CFAP46: variants seen among roughly 807,000 people sequenced by gnomAD.
CFAP46 encodes the protein cilia- and flagella-associated protein 46.
Under a neutral mutation model 325.7 loss-of-function variants are expected in CFAP46, and 245 were observed. That is an observed-to-expected ratio of 0.75 (90% CI 0.68 to 0.84). The LOEUF is 0.84. Ranked by LOEUF, CFAP46 falls within the 40% of genes least tolerant of loss-of-function variation. The pLI is 0.00. For missense variants in CFAP46, 3,346 were observed against 3,543.0 expected (o/e 0.94, Z 1.41); for synonymous variants, 1,523 against 1,495.9 (o/e 1.02, Z -0.42).
chr10:132,937,292 C>T, intron 6 of CFAP46: 1 of 544,262 alleles, frequency 1.8e-6, no homozygotes, highest in South Asian at 3.1e-5. Context: ...AAATTCAAAG[C>T]TATTACAAAG....
At chr10:132,863,712 G>T (rs1848757188) in intron 35 of CFAP46, among the ~76,000 whole-genome samples, 1 of 142,472 alleles carries the variant, frequency 7.0e-6, no homozygotes, top group Non-Finnish European at 1.5e-5. Context: ...CCCCCTGCCT[G>T]AGACCTGCAC....
chr10:132,899,147 G>A (rs897517258), intron 23 of CFAP46, 26 bp from the exon 24 acceptor site: 2 of 1,539,570 alleles, frequency 1.3e-6, no homozygotes, highest in Admixed American at 2.0e-5. Context: ...TCATGACGCG[G>A]TGGCTCCACC....
At chr10:132,831,220 C>CTG (rs56965336) in intron 50 of CFAP46, among the ~76,000 whole-genome samples, 16,088 of 147,772 alleles carry the variant, frequency 0.11, 863 homozygotes, top group South Asian at 0.19. Flanking sequence ...GTCAAATGTT[C>CTG]TGTGTGTGTG....
chr10:132,851,705 A>AGCTG lies in CFAP46; in HGVS notation c.5575-401_5575-400insCAGC, dbSNP rs566330061. Among the ~76,000 whole-genome samples, 1,107 of 152,368 alleles carry AGCTG rather than the reference A, an allele frequency of 7.3e-3. 15 individuals carry two copies. Among genetic ancestry groups the AGCTG allele is most frequent in the African/African-American group, 0.024 (999 of 41,582 alleles). On this transcript the variant is annotated intron_variant, in intron 39 of 57. Coordinates refer to ENST00000368586, the MANE Select transcript of CFAP46 (RefSeq NM_001200049.3). Reference sequence around the variant, plus strand: ...TGCACGCATGCTCCTTCCCTCTCACAGCCGGCGTCGGTGCACCGTGTGCAC... The same window carrying AGCTG: ...TGCACGCATGCTCCTTCCCTCTCACAGCTGGCCGGCGTCGGTGCACCGTGTGCAC...
At chr10:132,878,991 G>A (rs1289549310) in intron 29 of CFAP46, among the ~76,000 whole-genome samples, 1 of 152,186 alleles carries the variant, frequency 6.6e-6, no homozygotes, top group Non-Finnish European at 1.5e-5. Flanking sequence ...GGCTCTGGAA[G>A]CCCCGTCAGC....
chr10:132,925,226 C>A (rs767204290), intron 10 of CFAP46, among the ~76,000 whole-genome samples: 1 of 152,250 alleles, frequency 6.6e-6, no homozygotes, highest in Non-Finnish European at 1.5e-5. Context: ...ATGCCTCCTC[C>A]GGTCTGTGCT....
intron 50 of CFAP46, among the ~76,000 whole-genome samples, chr10:132,830,406 C>T (rs1356614936): frequency 4.6e-5 from 7 of 152,240 alleles, no homozygotes; most frequent in South Asian, 2.1e-4. Flanking sequence ...CCTCCCAAAG[C>T]GCTGGGATTA....
intron 24 of CFAP46, among the ~76,000 whole-genome samples, chr10:132,897,754 T>G (rs1849337851): frequency 6.6e-6 from 1 of 152,186 alleles, no homozygotes; most frequent in Non-Finnish European, 1.5e-5. Flanking sequence ...AGACCCAGGC[T>G]TCCTGGGGGA....
rs562538483 is a variant in CFAP46 at position 132,833,017 on chromosome 10, G to T, written c.7117+341C>A. Among the ~76,000 whole-genome samples the T allele has an allele frequency of 2.0e-5, 3 of 152,230 alleles. No individual in the cohort carries two copies. In the East Asian group the frequency reaches 5.8e-4, roughly 29 times the overall value. On this transcript the variant is annotated intron_variant, in intron 50 of 57. Coordinates refer to ENST00000368586, the MANE Select transcript of CFAP46 (RefSeq NM_001200049.3). The stretch of plus-strand genomic sequence containing the variant: ...TGACAGGGTCTCACTCTGTTGCCCA[G>T]GCTGGAGTGCAGTGGCGCCATCTCA...
Position 132,808,450 on chromosome 10 carries a change from T to C in CFAP46, c.8119A>G (p.Ile2707Val), listed in dbSNP as rs748353244. Residue 2707 changes from isoleucine to valine, a missense_variant, in exon 58 of 58, where the codon ATT becomes GTT. Coordinates refer to ENST00000368586, the MANE Select transcript of CFAP46 (RefSeq NM_001200049.3). The surrounding 1 kb of genome is among the most constrained non-coding windows in gnomAD (Gnocchi z 6.8). The stretch of plus-strand genomic sequence containing the variant: ...ATCAAAAACAGGCTCACGGTCTGAA[T>C]AGTCTTCTGGTCTAAGCAACTCAGC... ...LVLSCLDQKT[I>V]QTVSLFLI 5.0e-6 allele frequency: 8 copies of C among 1,612,532 alleles called. No individual in the cohort carries two copies. Among genetic ancestry groups the C allele is most frequent in the Middle Eastern group, 1.6e-4 (1 of 6,080 alleles).
chr10:132,935,432 C>T (rs1411258350), intron 7 of CFAP46, among the ~76,000 whole-genome samples: 1 of 145,424 alleles, frequency 6.9e-6, no homozygotes. Context: ...TTCTCATTCC[C>T]CTCAGCACCC....
At chr10:132,813,009 G>C (rs1179138809) in intron 54 of CFAP46, 112 bp from the exon 55 acceptor site, 1 of 734,254 alleles carries the variant, frequency 1.4e-6, no homozygotes, top group African/African-American at 1.8e-5. Flanking sequence ...TCCCATTTGT[G>C]CATTAAACTG....
chr10:132,839,275 C>T (rs532964638), intron 44 of CFAP46, among the ~76,000 whole-genome samples: 163 of 152,364 alleles, frequency 1.1e-3, no homozygotes, highest in African/African-American at 3.6e-3. Context: ...AGGGGGGTGG[C>T]GCAGCCCCAG....
At chr10:132,822,801 GC>G (rs1847902110) in intron 50 of CFAP46, among the ~76,000 whole-genome samples, 1 of 66,924 alleles carries the variant, frequency 1.5e-5, no homozygotes, top group Admixed American at 2.3e-4. Flanking sequence ...CTGTGTGTGT[GC>G]TGATGTGTGC....
chr10:132,930,048 G>A (rs555682295), intron 8 of CFAP46, among the ~76,000 whole-genome samples: 2 of 152,224 alleles, frequency 1.3e-5, no homozygotes, highest in East Asian at 1.9e-4. Flanking sequence ...CCAGGGCCAC[G>A]TCCCTACTGG....
chr10:132,837,139 G>C (rs1035784843), intron 44 of CFAP46: 4 of 506,788 alleles, frequency 7.9e-6, no homozygotes, highest in African/African-American at 5.9e-5. Flanking sequence ...GCCCCAAAAT[G>C]TCATTTCTCT....
intron 11 of CFAP46, among the ~76,000 whole-genome samples, chr10:132,924,312 G>A (rs1046932454): frequency 6.6e-6 from 1 of 152,068 alleles, no homozygotes; most frequent in Non-Finnish European, 1.5e-5. Flanking sequence ...TCACCCCTGA[G>A]GACACACCGT....
At chr10:132,815,727 A>G (rs1268648367) in intron 50 of CFAP46, among the ~76,000 whole-genome samples, 1 of 152,184 alleles carries the variant, frequency 6.6e-6, no homozygotes, top group Non-Finnish European at 1.5e-5. Context: ...TGGAGGCTGC[A>G]GTGAGCTGTG....
intron 56 of CFAP46, 177 bp downstream of exon 56, chr10:132,810,773 C>A: frequency 1.3e-6 from 1 of 745,478 alleles, no homozygotes. Context: ...GCTGAGCCGC[C>A]CCCCTCCCCA....
Sources: gnomAD v4.1 joint callset for allele counts (sites outside exome capture counted in the v4.1 genomes callset) on GRCh38, gnomAD v4.1.1 for gene constraint, Gnocchi (gnomAD v3.1) non-coding constraint, MANE v1.5 for transcripts, NCBI Gene and HGNC (gene_info 2026-07-23, HGNC 2026-07-21) for gene names.